Variants in KDM4B observed in about 807,000 individuals in gnomAD.
KDM4B encodes the protein lysine-specific demethylase 4B.
KDM4B carries 32 observed loss-of-function variants against 125.2 expected under a neutral mutation model. The observed-to-expected ratio is 0.26, with a 90% CI of 0.19 to 0.34. The LOEUF is 0.34. Ranked by LOEUF, KDM4B falls within the 10% of genes least tolerant of loss-of-function variation. The pLI, the probability that KDM4B is intolerant of heterozygous loss-of-function variation, is 1.00. For synonymous variants in KDM4B, 721 were observed against 677.9 expected (o/e 1.06, Z -0.99); for missense variants, 1,190 against 1,577.7 (o/e 0.75, Z 4.16).
intron 6 of KDM4B, among the ~76,000 whole-genome samples, chr19:5,053,827 C>G (rs1025459679): frequency 2.0e-5 from 3 of 152,278 alleles, no homozygotes; most frequent in African/African-American, 4.8e-5. Flanking sequence ...CACTACCCCC[C>G]AGCAGCGCTC....
intron 1 of KDM4B, among the ~76,000 whole-genome samples, chr19:5,013,371 C>T (rs528210234): frequency 1.3e-5 from 2 of 152,312 alleles, no homozygotes; most frequent in African/African-American, 4.8e-5. Flanking sequence ...TGGACAGGCC[C>T]TTGTCTCCGC....
intron 11 of KDM4B, among the ~76,000 whole-genome samples, chr19:5,121,082 G>A (rs1368945987): frequency 1.3e-5 from 2 of 152,198 alleles, no homozygotes; most frequent in Non-Finnish European, 1.5e-5. Context: ...AGGGGCAGCC[G>A]TGGGGTGCCT....
chr19:5,131,661 A>AGGTGGGGTGGGGCAGGGGTGGAGGGGG (rs1568316990), intron 12 of KDM4B, 116 bp downstream of exon 12: 2 of 192,682 alleles, frequency 1.0e-5, no homozygotes, highest in Non-Finnish European at 1.7e-5. Flanking sequence ...GGAGGAGGGG[A>AGGTGGGGTGGGGCAGGGGTGGAGGGGG]CAGGAGGGCT....
intron 6 of KDM4B, among the ~76,000 whole-genome samples, chr19:5,060,833 C>T (rs550927776): frequency 3.6e-4 from 55 of 152,286 alleles, no homozygotes; most frequent in Non-Finnish European, 6.5e-4. Flanking sequence ...GCTTTCCTGG[C>T]GAGGCTGAGG....
intron 3 of KDM4B, among the ~76,000 whole-genome samples, chr19:5,034,996 A>C (rs263056): frequency 0.91 from 138,088 of 152,222 alleles, 62,852 homozygotes; most frequent in African/African-American, 0.96. Flanking sequence ...TGGATTTTTG[A>C]TTGTAACACA....
At chr19:5,150,580 TC>T in intron 22 of KDM4B, 130 bp downstream of exon 22, 1 of 654,986 alleles carries the variant, frequency 1.5e-6, no homozygotes, top group Non-Finnish European at 2.6e-6. Flanking sequence ...TGGAAGGGGG[TC>T]CCGGCCGCCC....
chr19:4,985,298 T>C (rs1463569530), intron 1 of KDM4B, among the ~76,000 whole-genome samples: 1 of 152,118 alleles, frequency 6.6e-6, no homozygotes, highest in East Asian at 1.9e-4. Flanking sequence ...CGCTCCAGCC[T>C]GGGCAACAGA....
chr19:5,104,163 G>C (rs1440364988), intron 9 of KDM4B, among the ~76,000 whole-genome samples: 2 of 152,214 alleles, frequency 1.3e-5, no homozygotes, highest in East Asian at 3.9e-4. Flanking sequence ...AGAGGAGCTC[G>C]CTCCAGCTGG....
chr19:5,133,548 G>C, intron 13 of KDM4B, among the ~76,000 whole-genome samples: 1 of 152,238 alleles, frequency 6.6e-6, no homozygotes, highest in East Asian at 1.9e-4. Context: ...GAAGGCCCTG[G>C]GTGAGTGGAC....
At chr19:5,017,767 G>A (rs1248091397) in intron 2 of KDM4B, among the ~76,000 whole-genome samples, 1 of 152,042 alleles carries the variant, frequency 6.6e-6, no homozygotes, top group Admixed American at 6.6e-5. Flanking sequence ...TTGAGACAGA[G>A]TCTCCCTCTG....
intron 10 of KDM4B, chr19:5,111,249 G>C: frequency 1.6e-6 from 1 of 644,210 alleles, no homozygotes; most frequent in Non-Finnish European, 2.8e-6. Flanking sequence ...CTGGCGCTGA[G>C]AGCAGTCGGG....
chr19:5,058,364 C>T (rs550949862), intron 6 of KDM4B, among the ~76,000 whole-genome samples: 9 of 152,260 alleles, frequency 5.9e-5, no homozygotes, highest in South Asian at 2.1e-4. Flanking sequence ...GTGCCAGGCC[C>T]GGGAGCCCTT....
At position 5,039,868 on chromosome 19, in the gene KDM4B, G is replaced by T. The variant is rs1459591837; in HGVS notation, c.174G>T (p.Gln58His). ...IIPPKEWKPR[Q>H]TYDDIDDVVI... is the part of the protein sequence containing the mutation. ...CCCCGAAGGAGTGGAAGCCGCGGCA[G>T]ACGTATGATGACATCGACGACGTGG... Residue 58 changes from glutamine (Q) to histidine (H), a missense_variant, in exon 4 of 23, where the codon CAG (glutamine) becomes CAT (histidine). This residue lies in a region of KDM4B where 139 missense variants were observed against 248.3 expected (regional missense o/e 0.56). Coordinates refer to ENST00000159111, the MANE Select transcript of KDM4B (RefSeq NM_015015.3). The T allele has an allele frequency of 6.2e-7, 1 of 1,612,878 alleles. No homozygotes were observed.
intron 18 of KDM4B, chr19:5,140,544 T>A (rs1027814810): frequency 2.0e-5 from 3 of 152,220 alleles, no homozygotes; most frequent in African/African-American, 7.2e-5. Flanking sequence ...GAGACCAGCC[T>A]GGCCAACATA....
At chr19:5,090,050 C>T (rs772371962) in intron 9 of KDM4B, among the ~76,000 whole-genome samples, 19 of 152,166 alleles carry the variant, frequency 1.2e-4, no homozygotes, top group South Asian at 4.1e-4. Context: ...TGTGAAGACC[C>T]CCAAAGCCTG....
intron 1 of KDM4B, among the ~76,000 whole-genome samples, chr19:4,995,146 C>T (rs1490178597): frequency 6.6e-6 from 1 of 152,134 alleles, no homozygotes. Flanking sequence ...TTTGGAGACC[C>T]CACTGTCTCG....
At position 5,114,094 on chromosome 19, in the gene KDM4B, C is replaced by G. The variant is rs537211451; in HGVS notation, c.1115+3276C>G. 1.6e-6 allele frequency: 2 copies of G among 1,289,554 alleles called. No homozygotes were observed. Among genetic ancestry groups the G allele is most frequent in the East Asian group, 1.1e-4 (2 of 18,026 alleles). 79.9% of individuals were successfully genotyped at this position (1,289,554 alleles called of 1,614,324 possible). A position where few individuals can be genotyped will look rare whatever the true frequency, so the allele number is the denominator to read the frequency against. On this transcript the variant is annotated intron_variant, in intron 10 of 22. Transcript: ENST00000159111. The surrounding 1 kb of genome is among the most constrained non-coding windows in gnomAD (Gnocchi z 5.8). ...CGGGTGCCCTCAGCCTCCCCACTCC[C>G]GGTGGCGCTGTGCGTTCTGGTGCCC...
intron 15 of KDM4B, among the ~76,000 whole-genome samples, chr19:5,136,979 G>A (rs778992628): frequency 1.4e-4 from 22 of 152,164 alleles, no homozygotes; most frequent in Admixed American, 9.2e-4. Context: ...GGCTGAGCGC[G>A]GCAGACCCAG....
intron 1 of KDM4B, among the ~76,000 whole-genome samples, chr19:5,010,770 C>T (rs574090022): frequency 6.6e-6 from 1 of 152,344 alleles, no homozygotes; most frequent in East Asian, 1.9e-4. Context: ...GCCTCAGCCT[C>T]CCGAGTAGCT....
Sources: allele counts gnomAD v4.1 joint callset (sites outside exome capture counted in the v4.1 genomes callset), GRCh38; gene constraint gnomAD v4.1.1; regional missense constraint gnomAD v4.1.1; non-coding constraint Gnocchi (gnomAD v3.1); transcripts MANE v1.5; gene names NCBI Gene and HGNC (gene_info 2026-07-23, HGNC 2026-07-21).